Variants in DRC11 observed in about 807,000 individuals in gnomAD.
DRC11 encodes the protein IQ and AAA domain-containing protein 1.
chr2:236,503,373 C>T, the DRC11 span, among the ~76,000 whole-genome samples: 1 of 152,212 alleles, frequency 6.6e-6, no homozygotes, highest in Non-Finnish European at 1.5e-5. This position sits in a 1 kb window ranked among gnomAD's most constrained non-coding sequence, Gnocchi z 4.9. Flanking sequence ...GGAGCCCAGT[C>T]GCTCCAGGTC....
chr2:236,466,829 C>A, the DRC11 span, among the ~76,000 whole-genome samples: 2 of 152,184 alleles, frequency 1.3e-5, no homozygotes, highest in African/African-American at 4.8e-5. Flanking sequence ...AACATCCAAA[C>A]CATATAACCC....
chr2:236,455,575 G>A, the DRC11 span, among the ~76,000 whole-genome samples: 1 of 152,172 alleles, frequency 6.6e-6, no homozygotes, highest in Non-Finnish European at 1.5e-5. The surrounding 1 kb of genome is among the most constrained non-coding windows in gnomAD (Gnocchi z 5.7). Context: ...TCTGGACAGC[G>A]AGTATGGTCG....
the DRC11 span, chr2:236,507,350 G>A: frequency 4.5e-3 from 6,421 of 1,435,358 alleles, 236 homozygotes; most frequent in Admixed American, 0.058. Context: ...AGGGGTCAGG[G>A]CACTACCAGG....
At chr2:236,324,870 A>C in the DRC11 span, 1 of 950,262 alleles carries the variant, frequency 1.1e-6, no homozygotes. This position sits in a 1 kb window ranked among gnomAD's most constrained non-coding sequence, Gnocchi z 5.7. Flanking sequence ...CCTGCTAAGC[A>C]GGAAGGGGCA....
chr2:236,389,564 G>A, the DRC11 span, among the ~76,000 whole-genome samples: 1 of 152,156 alleles, frequency 6.6e-6, no homozygotes, highest in East Asian at 1.9e-4. Context: ...CCACTGTCTG[G>A]CACTCCCTAG....
the DRC11 span, among the ~76,000 whole-genome samples, chr2:236,485,331 T>G: frequency 6.6e-6 from 1 of 152,156 alleles, no homozygotes. Flanking sequence ...ACATTTGTAT[T>G]TTCTTCTTTT....
chr2:236,408,440 CA>C, the DRC11 span: 1 of 740,840 alleles, frequency 1.3e-6, no homozygotes, highest in Non-Finnish European at 2.5e-6. The surrounding 1 kb of genome is among the most constrained non-coding windows in gnomAD (Gnocchi z 5.5). Context: ...TCATCCTGCC[CA>C]AACACTTGGT....
the DRC11 span, among the ~76,000 whole-genome samples, chr2:236,330,886 A>G: frequency 1.3e-5 from 2 of 152,210 alleles, no homozygotes; most frequent in African/African-American, 4.8e-5. The surrounding 1 kb of genome is among the most constrained non-coding windows in gnomAD (Gnocchi z 5.5). Flanking sequence ...GAATGTATTC[A>G]AACATTGGAA....
chr2:236,322,161 C>T, the DRC11 span, among the ~76,000 whole-genome samples: 26,629 of 151,804 alleles, frequency 0.18, 2,631 homozygotes, highest in African/African-American at 0.25. Context: ...GCCAGAAGCC[C>T]CTCTCAGGTT....
At chr2:236,425,556 T>A in the DRC11 span, among the ~76,000 whole-genome samples, 1 of 152,046 alleles carries the variant, frequency 6.6e-6, no homozygotes, top group African/African-American at 2.4e-5. Flanking sequence ...TTATCAGATG[T>A]ATGGTTTGCA....
the DRC11 span, chr2:236,343,630 A>G: frequency 1.1e-6 from 1 of 946,522 alleles, no homozygotes; most frequent in Non-Finnish European, 1.5e-6. This position sits in a 1 kb window ranked among gnomAD's most constrained non-coding sequence, Gnocchi z 6.6. Flanking sequence ...GAGACGAAAC[A>G]CTGCCCTGCA....
At chr2:236,399,147 G>T in the DRC11 span, among the ~76,000 whole-genome samples, 134 of 151,926 alleles carry the variant, frequency 8.8e-4, 1 homozygote, top group African/African-American at 3.1e-3. This position sits in a 1 kb window ranked among gnomAD's most constrained non-coding sequence, Gnocchi z 7.0. Flanking sequence ...CCGCTGTTAC[G>T]CCCAGCTAAT....
chr2:236,381,664 C>G, the DRC11 span, among the ~76,000 whole-genome samples: 1 of 152,218 alleles, frequency 6.6e-6, no homozygotes, highest in Non-Finnish European at 1.5e-5. The surrounding 1 kb of genome is among the most constrained non-coding windows in gnomAD (Gnocchi z 5.8). Context: ...GGGCTTTGCA[C>G]TCAGGTACTT....
At chr2:236,491,221 A>ATATATATATATATATATATATACACAG in the DRC11 span, among the ~76,000 whole-genome samples, 3 of 48,140 alleles carry the variant, frequency 6.2e-5, no homozygotes, top group African/African-American at 3.5e-4. Flanking sequence ...TACACACAGT[A>ATATATATATATATATATATATACACAG]TATATATATA....
At chr2:236,340,658 C>T in the DRC11 span, among the ~76,000 whole-genome samples, 4 of 152,186 alleles carry the variant, frequency 2.6e-5, no homozygotes, top group Non-Finnish European at 5.9e-5. Flanking sequence ...GGTAGAGACA[C>T]ACCTGCATGG....
At chr2:236,372,150 TTTA>T in the DRC11 span, among the ~76,000 whole-genome samples, 1 of 152,192 alleles carries the variant, frequency 6.6e-6, no homozygotes, top group Admixed American at 6.5e-5. This position sits in a 1 kb window ranked among gnomAD's most constrained non-coding sequence, Gnocchi z 4.5. Context: ...ATATCTCGTT[TTTA>T]TTATTATTTT....
chr2:236,450,117 G>T, the DRC11 span, among the ~76,000 whole-genome samples: 2 of 152,156 alleles, frequency 1.3e-5, no homozygotes, highest in African/African-American at 2.4e-5. Context: ...TAAAACAATA[G>T]AATGGTTTAT....
the DRC11 span, among the ~76,000 whole-genome samples, chr2:236,428,981 A>G: frequency 6.6e-6 from 1 of 152,194 alleles, no homozygotes; most frequent in South Asian, 2.1e-4. Flanking sequence ...TGGTGGTATC[A>G]TGTTTCCCTG....
the DRC11 span, among the ~76,000 whole-genome samples, chr2:236,399,156 AT>A: frequency 6.6e-6 from 1 of 151,924 alleles, no homozygotes; most frequent in South Asian, 2.1e-4. The surrounding 1 kb of genome is among the most constrained non-coding windows in gnomAD (Gnocchi z 7.0). Context: ...CGCCCAGCTA[AT>A]TTTTTTTATT....
Sources: gnomAD v4.1 joint callset for allele counts (sites outside exome capture counted in the v4.1 genomes callset) on GRCh38, gnomAD v4.1.1 for gene constraint, Gnocchi (gnomAD v3.1) non-coding constraint, MANE v1.5 for transcripts, NCBI Gene and HGNC (gene_info 2026-07-23, HGNC 2026-07-21) for gene names.